Variants in ASTN2 observed in about 807,000 individuals in gnomAD.
ASTN2 encodes astrotactin-2.
Under a neutral mutation model 139.8 loss-of-function variants are expected in ASTN2, and 54 were observed. That is an observed-to-expected ratio of 0.39 (90% CI 0.31 to 0.48). The LOEUF (loss-of-function observed/expected upper bound fraction) is 0.48, where lower values mean the gene tolerates loss of function less well. Ranked by LOEUF, ASTN2 falls within the 20% of genes least tolerant of loss-of-function variation. The pLI is 0.95. For missense variants in ASTN2, 1,565 were observed against 1,725.1 expected (o/e 0.91, Z 1.64); for synonymous variants, 756 against 719.5 (o/e 1.05, Z -0.81).
intron 19 of ASTN2, among the ~76,000 whole-genome samples, chr9:116,492,685 T>C (rs1849553095): frequency 6.6e-6 from 1 of 152,290 alleles, no homozygotes; most frequent in South Asian, 2.1e-4. Flanking sequence ...TTATTCAACA[T>C]GAATGTGATA....
rs1485298347 is a variant in ASTN2 at position 116,425,288 on chromosome 9, A to G, written c.*563T>C. ...CTGCAGGGACTCTGGGCAGACCCAC[A>G]GGTAGCAGGAAGAGGCAGGGTCCCA... On this transcript the variant is annotated 3_prime_UTR_variant, in exon 23 of 23. Coordinates refer to ENST00000313400, the MANE Select transcript of ASTN2 (RefSeq NM_001365068.1). 4.4e-6 allele frequency: 2 copies of G among 455,962 alleles called. No homozygotes were observed. The highest frequency in any genetic ancestry group is 7.8e-6 in the Non-Finnish European group (2 of 254,880). The allele number at this position is 455,962 out of a possible 1,614,324, so 28.2% of individuals were successfully genotyped here.
At chr9:117,227,037 G>A (rs1331317548) in intron 2 of ASTN2, among the ~76,000 whole-genome samples, 1 of 152,290 alleles carries the variant, frequency 6.6e-6, no homozygotes, top group East Asian at 1.9e-4. Context: ...TTTCATATGG[G>A]GAGGGAGCTT....
chr9:116,772,766 G>A (rs898592084), intron 13 of ASTN2, among the ~76,000 whole-genome samples: 6 of 152,040 alleles, frequency 3.9e-5, no homozygotes, highest in African/African-American at 1.4e-4. Context: ...ATGTAATTTG[G>A]GCCAGCAGTC....
intron 11 of ASTN2, among the ~76,000 whole-genome samples, chr9:116,830,202 A>G (rs1208744669): frequency 6.6e-6 from 1 of 152,250 alleles, no homozygotes; most frequent in Non-Finnish European, 1.5e-5. Flanking sequence ...AAAAGAAGAC[A>G]TAAGAGTGAC....
chr9:117,199,495 A>G (rs759440213), intron 3 of ASTN2, among the ~76,000 whole-genome samples: 14 of 152,156 alleles, frequency 9.2e-5, no homozygotes, highest in Non-Finnish European at 1.6e-4. Flanking sequence ...CTGTTTTGGT[A>G]TCAGTACCAC....
intron 16 of ASTN2, among the ~76,000 whole-genome samples, chr9:116,660,275 A>C: frequency 6.6e-6 from 1 of 152,072 alleles, no homozygotes; most frequent in African/African-American, 2.4e-5. Flanking sequence ...AAACTGCCAA[A>C]CCCTAGGACA....
intron 3 of ASTN2, among the ~76,000 whole-genome samples, chr9:117,196,303 A>C (rs1831499984): frequency 6.6e-6 from 1 of 152,190 alleles, no homozygotes; most frequent in Non-Finnish European, 1.5e-5. Flanking sequence ...GAGTGGTAGA[A>C]ATCAGCTGTT....
intron 3 of ASTN2, among the ~76,000 whole-genome samples, chr9:117,201,286 C>G (rs554222044): frequency 3.3e-5 from 5 of 152,058 alleles, no homozygotes; most frequent in African/African-American, 1.2e-4. Flanking sequence ...GTCTAGCTAG[C>G]AGTCTATCTA....
At chr9:117,009,678 A>T (rs1232400444) in intron 6 of ASTN2, among the ~76,000 whole-genome samples, 2 of 152,180 alleles carry the variant, frequency 1.3e-5, no homozygotes, top group Non-Finnish European at 2.9e-5. Flanking sequence ...TTTCTACCTC[A>T]CTGTCAAGTA....
At chr9:116,758,028 TAGA>T (rs1829580068) in intron 13 of ASTN2, among the ~76,000 whole-genome samples, 2 of 152,168 alleles carry the variant, frequency 1.3e-5, no homozygotes, top group African/African-American at 4.8e-5. Context: ...ATGCCATTAC[TAGA>T]AGAAGCCTGA....
At position 117,068,752 on chromosome 9, in the gene ASTN2, G is replaced by A. The variant is rs1170945117; in HGVS notation, c.1276+27292C>T. ...TTAGTCTTGGGAGAGTGTATGTGTC[G>A]AGGAATTTATCCATTTCTTCTAGAT... is the stretch of plus-strand genomic sequence containing the variant. On this transcript the variant is annotated intron_variant, in intron 5 of 22. Coordinates refer to ENST00000313400, the MANE Select transcript of ASTN2 (RefSeq NM_001365068.1). Among the ~76,000 whole-genome samples the A allele has an allele frequency of 4.9e-4, 61 of 123,400 alleles. 1 individual carries two copies. Among genetic ancestry groups the A allele is most frequent in the African/African-American group, 1.7e-3 (59 of 35,460 alleles). The allele number at this position is 123,400 out of a possible 152,430, so 81.0% of individuals were successfully genotyped here. A position where few individuals can be genotyped will look rare whatever the true frequency, so the allele number is the denominator to read the frequency against.
intron 13 of ASTN2, among the ~76,000 whole-genome samples, chr9:116,803,501 TA>T (rs1830931913): frequency 1.4e-3 from 10 of 7,204 alleles, no homozygotes; most frequent in East Asian, 0.012. Context: ...TATATATATA[TA>T]TATATATATA....
chr9:117,177,339 A>G (rs1318493868), intron 3 of ASTN2, among the ~76,000 whole-genome samples: 1 of 152,202 alleles, frequency 6.6e-6, no homozygotes, highest in African/African-American at 2.4e-5. Flanking sequence ...AAATCAGTTA[A>G]ATAACTTGAC....
At chr9:116,571,524 G>A (rs1224939188) in intron 19 of ASTN2, among the ~76,000 whole-genome samples, 2 of 152,176 alleles carry the variant, frequency 1.3e-5, no homozygotes, top group Middle Eastern at 3.2e-3. Context: ...TATTTGGTGT[G>A]TGCTGTGCTG....
chr9:117,385,174 T>C (rs1031865725), intron 1 of ASTN2, among the ~76,000 whole-genome samples: 10 of 152,128 alleles, frequency 6.6e-5, no homozygotes, highest in Non-Finnish European at 1.3e-4. Context: ...CCTATTAATA[T>C]ATTAACTGTG....
chr9:117,018,864 CT>C (rs1837792884), intron 6 of ASTN2, among the ~76,000 whole-genome samples: 1 of 152,026 alleles, frequency 6.6e-6, no homozygotes, highest in Non-Finnish European at 1.5e-5. Flanking sequence ...GTAGGTGTTA[CT>C]TTTATTCCCA....
intron 13 of ASTN2, among the ~76,000 whole-genome samples, chr9:116,782,971 G>A (rs1445536644): frequency 6.6e-6 from 1 of 152,108 alleles, no homozygotes; most frequent in Non-Finnish European, 1.5e-5. Context: ...GAGTTCAGTA[G>A]GTAGAGTGAC....
At chr9:116,765,736 A>G (rs983115565) in intron 13 of ASTN2, among the ~76,000 whole-genome samples, 31 of 152,178 alleles carry the variant, frequency 2.0e-4, no homozygotes, top group Non-Finnish European at 3.7e-4. Context: ...GGGTATTATT[A>G]AGTAAAAAAA....
At chr9:117,337,723 A>C (rs186517713) in intron 1 of ASTN2, among the ~76,000 whole-genome samples, 4 of 152,288 alleles carry the variant, frequency 2.6e-5, no homozygotes, top group Admixed American at 6.5e-5. Context: ...GCTTCCCTTT[A>C]AATAACCAAC....
Sources: allele counts gnomAD v4.1 joint callset (sites outside exome capture counted in the v4.1 genomes callset), GRCh38; gene constraint gnomAD v4.1.1; transcripts MANE v1.5; gene names NCBI Gene and HGNC (gene_info 2026-07-23, HGNC 2026-07-21).